The following AUTS2 variants were observed in gnomAD, a reference collection of about 807,000 sequenced individuals.
AUTS2 encodes activator of transcription and developmental regulator AUTS2.
Under a neutral mutation model 112.4 loss-of-function variants are expected in AUTS2, and 17 were observed. The ratio of observed to expected loss-of-function variants is 0.15; its 90% CI spans 0.10 to 0.23. The LOEUF (loss-of-function observed/expected upper bound fraction) is 0.23. Ranked by LOEUF, AUTS2 falls within the 10% of genes least tolerant of loss-of-function variation. The pLI is 1.00. For missense variants in AUTS2, 1,510 were observed against 1,701.6 expected (o/e 0.89, Z 1.98); for synonymous variants, 751 against 702.7 (o/e 1.07, Z -1.09).
At chr7:70,783,023 G>T (rs1210433604) in intron 15 of AUTS2, 1 of 152,180 alleles carries the variant, frequency 6.6e-6, no homozygotes, top group East Asian at 1.9e-4. Flanking sequence ...AGCAATTTTT[G>T]GAAAGAATAG....
chr7:69,981,273 C>T (rs913788652), intron 2 of AUTS2, among the ~76,000 whole-genome samples: 3 of 152,150 alleles, frequency 2.0e-5, no homozygotes, highest in East Asian at 3.9e-4. Context: ...ACAAAGGAAA[C>T]GAAGATCATC....
chr7:70,360,169 C>T (rs1389777618), intron 4 of AUTS2, among the ~76,000 whole-genome samples: 1 of 152,088 alleles, frequency 6.6e-6, no homozygotes, highest in African/African-American at 2.4e-5. Flanking sequence ...ACTCTGTCAC[C>T]CAGGCTGGAG....
intron 14 of AUTS2, among the ~76,000 whole-genome samples, chr7:70,778,740 T>C (rs934845657): frequency 2.6e-5 from 4 of 152,204 alleles, no homozygotes; most frequent in African/African-American, 9.6e-5. Flanking sequence ...TAGGGGAAGT[T>C]TAATTGGAAG....
At chr7:70,432,273 A>T (rs942450567) in intron 4 of AUTS2, among the ~76,000 whole-genome samples, 1 of 152,182 alleles carries the variant, frequency 6.6e-6, no homozygotes, top group Non-Finnish European at 1.5e-5. Context: ...CCTCATGCAG[A>T]ACATAAACCT....
chr7:70,767,963 A>G, intron 9 of AUTS2, 61 bp from the exon 10 acceptor site: 1 of 1,542,432 alleles, frequency 6.5e-7, no homozygotes, highest in Non-Finnish European at 8.9e-7. Flanking sequence ...GGCCACCTCC[A>G]CTGTAGCAGT....
intron 5 of AUTS2, among the ~76,000 whole-genome samples, chr7:70,568,379 T>C (rs1801793651): frequency 6.6e-6 from 1 of 152,194 alleles, no homozygotes; most frequent in Non-Finnish European, 1.5e-5. Context: ...CTTCAGATTG[T>C]GAGGATTGAA....
chr7:69,677,875 G>A (rs1007612353), intron 1 of AUTS2, among the ~76,000 whole-genome samples: 71 of 152,112 alleles, frequency 4.7e-4, no homozygotes, highest in African/African-American at 1.7e-3. Context: ...CTAAATGGTG[G>A]TTTTTATAAG....
chr7:70,658,267 C>T (rs1027906151), intron 5 of AUTS2, among the ~76,000 whole-genome samples: 11 of 152,188 alleles, frequency 7.2e-5, no homozygotes, highest in African/African-American at 2.7e-4. Flanking sequence ...TATGCTGATC[C>T]TGGAGGCCCT....
intron 5 of AUTS2, among the ~76,000 whole-genome samples, chr7:70,555,751 A>G (rs1801219254): frequency 6.6e-6 from 1 of 151,426 alleles, no homozygotes; most frequent in African/African-American, 2.4e-5. Flanking sequence ...TGGTTCTGCA[A>G]GCCATAAAAG....
chr7:70,479,071 A>C (rs2116125436), intron 5 of AUTS2, among the ~76,000 whole-genome samples: 1 of 152,150 alleles, frequency 6.6e-6, no homozygotes, highest in Middle Eastern at 3.4e-3. Flanking sequence ...GTGCAGAGAA[A>C]AAGGAGGTCA....
rs78789632 is a variant in AUTS2, at chr7:69,895,741, T to C, written c.310-3545T>C. ...AATAAAATGGATTTGGAAAAAATTA[T>C]AGCATACTCTCATAAATATTAATTC... On this transcript the variant is annotated intron_variant, in intron 1 of 18. Transcript: ENST00000342771. 2.9e-3 allele frequency among the ~76,000 whole-genome samples: 443 copies of C among 152,356 alleles called. 4 individuals are homozygous for C. Among genetic ancestry groups the C allele is most frequent in the African/African-American group, 0.01 (429 of 41,574 alleles).
intron 5 of AUTS2, among the ~76,000 whole-genome samples, chr7:70,486,900 C>T (rs1039460414): frequency 9.0e-6 from 1 of 111,202 alleles, no homozygotes; most frequent in Admixed American, 8.5e-5. Flanking sequence ...TTTGTATTCC[C>T]CCCCCCCCAA....
chr7:70,477,310 G>A (rs994881417), intron 5 of AUTS2, among the ~76,000 whole-genome samples: 22 of 152,108 alleles, frequency 1.4e-4, no homozygotes, highest in Non-Finnish European at 2.5e-4. Context: ...CAGATTATCC[G>A]TCATCTTGTT....
At chr7:70,170,165 T>A (rs1808596686) in intron 4 of AUTS2, among the ~76,000 whole-genome samples, 1 of 151,052 alleles carries the variant, frequency 6.6e-6, no homozygotes, top group African/African-American at 2.4e-5. Flanking sequence ...AAGTATTTTT[T>A]TTTTTTTTTT....
chr7:70,174,041 C>A (rs1433645722), intron 4 of AUTS2, among the ~76,000 whole-genome samples: 2 of 152,172 alleles, frequency 1.3e-5, no homozygotes, highest in Non-Finnish European at 2.9e-5. Flanking sequence ...GTAAGGAAGG[C>A]ATGTTGAAAG....
chr7:69,988,562 T>C (rs934481121), intron 2 of AUTS2, among the ~76,000 whole-genome samples: 1 of 142,960 alleles, frequency 7.0e-6, no homozygotes, highest in African/African-American at 2.8e-5. Context: ...GGCAGGATTT[T>C]TGTCTGTTTT....
At chr7:69,650,826 C>T (rs1218168810) in intron 1 of AUTS2, among the ~76,000 whole-genome samples, 1 of 152,318 alleles carries the variant, frequency 6.6e-6, no homozygotes, top group South Asian at 2.1e-4. Context: ...CCTTGGGTCT[C>T]ACTATGTGGC....
chr7:70,212,407 T>A (rs1184085507), intron 4 of AUTS2, among the ~76,000 whole-genome samples: 1 of 152,176 alleles, frequency 6.6e-6, no homozygotes, highest in Non-Finnish European at 1.5e-5. Flanking sequence ...TTTGCTCCAT[T>A]AGAAGGGAGA....
At chr7:70,006,859 G>C (rs936773771) in intron 2 of AUTS2, among the ~76,000 whole-genome samples, 1 of 152,090 alleles carries the variant, frequency 6.6e-6, no homozygotes, top group African/African-American at 2.4e-5. Context: ...TAGCTTCTGA[G>C]GTTATATTTA....
Sources: gnomAD v4.1 joint callset for allele counts (sites outside exome capture counted in the v4.1 genomes callset) on GRCh38, gnomAD v4.1.1 for gene constraint, MANE v1.5 for transcripts, NCBI Gene and HGNC (gene_info 2026-07-23, HGNC 2026-07-21) for gene names.